CDH12: variants seen among roughly 807,000 people sequenced by gnomAD.
CDH12 encodes the protein cadherin 12, also known as cadherin-12.
In CDH12, 41 loss-of-function variants were observed where a neutral mutation model predicts 74.1. The observed-to-expected ratio is 0.55, with a 90% CI of 0.43 to 0.72. The LOEUF (loss-of-function observed/expected upper bound fraction) is 0.72. CDH12 is among the 30% of genes least tolerant of loss of function. CDH12 has a pLI of 0.00. For missense variants in CDH12, 945 were observed against 977.2 expected (o/e 0.97, Z 0.44); for synonymous variants, 399 against 355.0 (o/e 1.12, Z -1.39).
intron 1 of CDH12, among the ~76,000 whole-genome samples, chr5:22,848,544 A>G (rs2031205176): frequency 6.6e-6 from 1 of 152,038 alleles, no homozygotes; most frequent in Non-Finnish European, 1.5e-5. Flanking sequence ...CCACACCCCC[A>G]TGGTCTCCAT....
intron 1 of CDH12, among the ~76,000 whole-genome samples, chr5:22,811,690 G>A (rs73745215): frequency 6.8e-4 from 104 of 152,266 alleles, no homozygotes; most frequent in African/African-American, 2.5e-3. Context: ...ATTGGGTAAC[G>A]AATTACATCA....
At chr5:22,726,111 G>A (rs114877025) in intron 1 of CDH12, among the ~76,000 whole-genome samples, 5,245 of 151,652 alleles carry the variant, frequency 0.035, 128 homozygotes, top group Non-Finnish European at 0.052. Flanking sequence ...TATGTGTTAT[G>A]ACAAATGTAC....
chr5:22,612,430 A>T (rs1737453665), intron 1 of CDH12, among the ~76,000 whole-genome samples: 2 of 152,146 alleles, frequency 1.3e-5, no homozygotes, highest in Non-Finnish European at 2.9e-5. Context: ...TGATGGTTGG[A>T]TAATACTAGG....
chr5:22,006,990 A>G (rs1275177280), intron 5 of CDH12, among the ~76,000 whole-genome samples: 4 of 152,140 alleles, frequency 2.6e-5, no homozygotes, highest in South Asian at 4.1e-4. Flanking sequence ...ATAGGCCAAT[A>G]TTAAAGAGAA....
At chr5:21,812,907 C>T (rs977127859) in intron 9 of CDH12, among the ~76,000 whole-genome samples, 1 of 152,090 alleles carries the variant, frequency 6.6e-6, no homozygotes, top group Admixed American at 6.6e-5. Context: ...CAAATTACAA[C>T]ACTGAAAGAA....
At chr5:22,232,780 T>C (rs1196335696) in intron 3 of CDH12, among the ~76,000 whole-genome samples, 1 of 150,600 alleles carries the variant, frequency 6.6e-6, no homozygotes, top group East Asian at 1.9e-4. Flanking sequence ...AAACTTTTTC[T>C]TTTATTCATT....
chr5:22,813,136 G>T (rs1293080649), intron 1 of CDH12, among the ~76,000 whole-genome samples: 3 of 152,148 alleles, frequency 2.0e-5, no homozygotes, highest in Non-Finnish European at 4.4e-5. Flanking sequence ...AAAAAAATTT[G>T]TATAAGATTA....
intron 3 of CDH12, among the ~76,000 whole-genome samples, chr5:22,395,170 A>T (rs1041357017): frequency 3.3e-5 from 5 of 152,158 alleles, no homozygotes; most frequent in African/African-American, 9.7e-5. Context: ...AAATGTCATT[A>T]TATGGCAAAG....
intron 3 of CDH12, among the ~76,000 whole-genome samples, chr5:22,280,064 C>G (rs988051057): frequency 6.6e-6 from 1 of 152,080 alleles, no homozygotes; most frequent in Admixed American, 6.6e-5. Context: ...TTAATGATTG[C>G]CATTCTAACT....
In CDH12 at chr5:21,829,866, C is replaced by T. The variant is rs151035649; in HGVS notation, c.814+12295G>A. Among the ~76,000 whole-genome samples the T allele has an allele frequency of 3.9e-5, 6 of 152,150 alleles. No individual in the cohort carries two copies. In the East Asian group the frequency reaches 1.2e-3, roughly 29 times the overall value. ...AATCTGGCTAAGTATATCCATTCTCCAAACCTCATTGATCACTTCTATGTT... is the reference window on the plus strand; with the variant it reads ...AATCTGGCTAAGTATATCCATTCTCTAAACCTCATTGATCACTTCTATGTT... On this transcript the variant is annotated intron_variant, in intron 8 of 14. Transcript: ENST00000382254.
At chr5:22,760,762 A>T (rs1350641742) in intron 1 of CDH12, among the ~76,000 whole-genome samples, 2 of 151,628 alleles carry the variant, frequency 1.3e-5, no homozygotes, top group Non-Finnish European at 2.9e-5. Flanking sequence ...TTCTTTGTAG[A>T]GAAGAAGATT....
At chr5:22,740,262 C>G (rs1397348882) in intron 1 of CDH12, among the ~76,000 whole-genome samples, 1 of 152,022 alleles carries the variant, frequency 6.6e-6, no homozygotes, top group East Asian at 1.9e-4. Flanking sequence ...TAACGTGGAT[C>G]TTACTAGCTC....
intron 5 of CDH12, among the ~76,000 whole-genome samples, chr5:21,988,491 CAAAAAAAAAA>C (rs1157872208): frequency 0.049 from 1,432 of 29,476 alleles, 26 homozygotes; most frequent in African/African-American, 0.091. Flanking sequence ...GACTCCGTCT[CAAAAAAAAAA>C]AAAAAAAAAA....
In CDH12 at chr5:22,705,130, TACACAC is replaced by T. The variant is rs1554060406; in HGVS notation, c.-523+147922_-523+147927del. ...CCCCACCCAGTCATATATATATATATACACACACACACACACACACACACACACACA... is the reference window on the plus strand; with the variant it reads ...CCCCACCCAGTCATATATATATATATACACACACACACACACACACACACA... On this transcript the variant is annotated intron_variant, in intron 1 of 14. Coordinates refer to ENST00000382254, the MANE Select transcript of CDH12 (RefSeq NM_004061.5). Among the ~76,000 whole-genome samples, 46 of 125,614 alleles carry T rather than the reference TACACAC, an allele frequency of 3.7e-4. 1 individual carries two copies. Among genetic ancestry groups the T allele is most frequent in the Admixed American group, 1.1e-3 (13 of 12,030 alleles). The allele number at this position is 125,614 out of a possible 152,430, so 82.4% of individuals were successfully genotyped here. A position where few individuals can be genotyped will look rare whatever the true frequency, so the allele number is the denominator to read the frequency against.
At chr5:22,522,409 T>C (rs1737091838) in intron 1 of CDH12, among the ~76,000 whole-genome samples, 2 of 152,212 alleles carry the variant, frequency 1.3e-5, no homozygotes, top group African/African-American at 2.4e-5. Context: ...GTACATTGTC[T>C]ACTATTGCTC....
chr5:22,006,174 C>T (rs918027096), intron 5 of CDH12, among the ~76,000 whole-genome samples: 2 of 151,928 alleles, frequency 1.3e-5, no homozygotes, highest in African/African-American at 2.4e-5. Context: ...TTCAGGCCAC[C>T]TCTCTTCTTT....
At chr5:21,884,439 A>G (rs1561272473) in intron 6 of CDH12, 2 of 803,672 alleles carry the variant, frequency 2.5e-6, no homozygotes, top group Admixed American at 1.8e-5. Context: ...AAATCACTAT[A>G]ACCATCAGTT....
At chr5:21,779,940 CTT>C (rs1228306259) in intron 11 of CDH12, among the ~76,000 whole-genome samples, 1 of 152,138 alleles carries the variant, frequency 6.6e-6, no homozygotes, top group East Asian at 1.9e-4. Flanking sequence ...TGTTTAGCCT[CTT>C]TATTTTTCAT....
At chr5:22,262,090 A>G (rs562408477) in intron 3 of CDH12, among the ~76,000 whole-genome samples, 1 of 152,212 alleles carries the variant, frequency 6.6e-6, no homozygotes, top group East Asian at 1.9e-4. Flanking sequence ...GCATGGTTTT[A>G]TAATAATGGC....
Sources: gnomAD v4.1 joint callset for allele counts (sites outside exome capture counted in the v4.1 genomes callset) on GRCh38, gnomAD v4.1.1 for gene constraint, MANE v1.5 for transcripts, NCBI Gene and HGNC (gene_info 2026-07-23, HGNC 2026-07-21) for gene names.